CMYA5: variants seen among roughly 807,000 people sequenced by gnomAD.
CMYA5 encodes the protein cardiomyopathy associated 5, also known as cardiomyopathy-associated protein 5.
Under a neutral mutation model 318.9 loss-of-function variants are expected in CMYA5, and 246 were observed. The ratio of observed to expected loss-of-function variants is 0.77; its 90% CI spans 0.70 to 0.86. CMYA5 has a LOEUF of 0.86. Among genes scored for constraint, CMYA5 ranks in the 40% least tolerant of loss-of-function variants. The pLI is 0.00. For missense variants in CMYA5, 4,589 were observed against 4,678.2 expected (o/e 0.98, Z 0.56); for synonymous variants, 1,641 against 1,729.5 (o/e 0.95, Z 1.27).
At chr5:79,768,941 T>C (rs1019379833) in intron 9 of CMYA5, among the ~76,000 whole-genome samples, 1 of 152,182 alleles carries the variant, frequency 6.6e-6, no homozygotes, top group African/African-American at 2.4e-5. Context: ...CAATCAGACG[T>C]AGATTTGGCC....
intron 1 of CMYA5, among the ~76,000 whole-genome samples, chr5:79,723,229 A>C (rs1258766890): frequency 6.6e-6 from 1 of 152,038 alleles, no homozygotes; most frequent in Non-Finnish European, 1.5e-5. Flanking sequence ...TCATGAGGTC[A>C]GGAGTTTGAG....
At chr5:79,749,028 T>C (rs1490271297) in intron 5 of CMYA5, among the ~76,000 whole-genome samples, 1 of 152,194 alleles carries the variant, frequency 6.6e-6, no homozygotes, top group African/African-American at 2.4e-5. Context: ...CATCAGAATA[T>C]TGCAAATATA....
At position 79,733,799 on chromosome 5, in the gene CMYA5, CAG is replaced by C; in HGVS notation, c.5038_5039del (p.Glu1680ArgfsTer6). 1 of 1,613,646 alleles carries C rather than the reference CAG, an allele frequency of 6.2e-7. No homozygotes were observed. Among genetic ancestry groups the C allele is most frequent in the Non-Finnish European group, 8.5e-7 (1 of 1,179,776 alleles). Reference sequence around the variant, plus strand: ...AAAAAGGCCCAGCTGAGCTTAGGAGCAGAGAAGGAAAAGAAGAAAATAGAGAG... The same window carrying C: ...AAAAAGGCCCAGCTGAGCTTAGGAGCAGAAGGAAAAGAAGAAAATAGAGAG... ...LEKGPAELRS[R>X]EGKEENRELC... On this transcript the variant is annotated frameshift_variant, in exon 2 of 13. Coordinates refer to ENST00000446378, the MANE Select transcript of CMYA5 (RefSeq NM_153610.5). LOFTEE classifies it high-confidence loss of function.
rs1195385411 is a variant in CMYA5 at position 79,733,854 on chromosome 5, A to G, written c.5089A>G (p.Ile1697Val). The change falls in exon 2 of 13, where the codon ATT becomes GTT. Residue 1697 changes from isoleucine (I) to valine (V), a missense_variant. Transcript: ENST00000446378. The part of the protein sequence containing the change: ...ELCASSTMPA[I>V]SELSSLLREE... Reference sequence around the variant, plus strand: ...TTGTGCATCTTCTACGATGCCTGCAATTTCAGAGCTTTCATCATTGCTTAG... The same window carrying G: ...TTGTGCATCTTCTACGATGCCTGCAGTTTCAGAGCTTTCATCATTGCTTAG... 2 of 1,613,528 alleles carry G rather than the reference A, an allele frequency of 1.2e-6. No homozygotes were observed. Among genetic ancestry groups the G allele is most frequent in the Admixed American group, 3.3e-5 (2 of 59,946 alleles).
chr5:79,690,337 C>T (rs947227417), intron 1 of CMYA5, among the ~76,000 whole-genome samples: 2 of 152,100 alleles, frequency 1.3e-5, no homozygotes, highest in African/African-American at 2.4e-5. Flanking sequence ...GCATAACTGC[C>T]GAAATGTGCT....
At position 79,745,454 on chromosome 5, in the gene CMYA5, C is replaced by T. The variant is rs1828304509; in HGVS notation, c.10967C>T (p.Thr3656Ile). 2 of 1,610,544 alleles carry T rather than the reference C, an allele frequency of 1.2e-6. No individual in the cohort carries two copies. The highest frequency in any genetic ancestry group is 2.7e-5 in the African/African-American group (2 of 74,864). ...AEELDEAVFL[T>I]SFEEINERLL... ...GAGCTTGATGAGGCCGTCTTCCTGA[C>T]TGTAAGTGCCAAGTAAAATGGGCTC... Residue 3656 changes from threonine to isoleucine, a missense_variant and splice_region_variant, in exon 4 of 13, where the codon ACT becomes ATT. Thr to Ile is a moderately conservative substitution (Grantham distance 89). This residue lies in a region of CMYA5 where 2,431 missense variants were observed against 2,495.1 expected (regional missense o/e 0.97). Transcript: ENST00000446378.
chr5:79,693,959 C>T (rs933689902), intron 1 of CMYA5, among the ~76,000 whole-genome samples: 3 of 152,160 alleles, frequency 2.0e-5, no homozygotes, highest in Admixed American at 1.3e-4. Context: ...GATGAGGTGA[C>T]ATTTGAGCAG....
In CMYA5 at chr5:79,732,279, G is replaced by A; in HGVS notation, c.3514G>A (p.Val1172Ile). 1 of 1,613,874 alleles carries A rather than the reference G, an allele frequency of 6.2e-7. No homozygotes were observed. Among genetic ancestry groups the A allele is most frequent in the Non-Finnish European group, 8.5e-7 (1 of 1,179,864 alleles). ...EETKPASPHS[V>I]LPDSVPAIKK... ...AACCAAACCTGCATCTCCACATTCA[G>A]TTTTACCTGATTCAGTCCCTGCAAT... is the stretch of plus-strand genomic sequence containing the variant. Residue 1172 changes from valine to isoleucine, a missense_variant, in exon 2 of 13, where the codon GTT becomes ATT. Physicochemically the swap from Val to Ile is conservative, Grantham distance 29. Transcript: ENST00000446378.
intron 6 of CMYA5, among the ~76,000 whole-genome samples, chr5:79,755,416 A>G (rs1828508293): frequency 6.6e-6 from 1 of 151,966 alleles, no homozygotes; most frequent in African/African-American, 2.4e-5. Context: ...CCTCCCCAGT[A>G]GCTGGGATTA....
At position 79,731,040 on chromosome 5, in the gene CMYA5, A is replaced by G. The variant is rs1275695726; in HGVS notation, c.2275A>G (p.Thr759Ala). 10 of 1,613,926 alleles carry G rather than the reference A, an allele frequency of 6.2e-6. No homozygotes were observed. The highest frequency in any genetic ancestry group is 8.5e-6 in the Non-Finnish European group (10 of 1,179,872). The change falls in exon 2 of 13, where the codon ACC becomes GCC. Residue 759 changes from threonine to alanine, a missense_variant. This residue lies in a region of CMYA5 where 2,132 missense variants were observed against 2,131.3 expected (regional missense o/e 1.00). Coordinates refer to ENST00000446378, the MANE Select transcript of CMYA5 (RefSeq NM_153610.5). ...ASEPSLSPST[T>A]EKTSECQSPL... ...TGAGCCCTCTCTCTCACCATCCACA[A>G]CCGAAAAGACTTCTGAATGCCAGTC...
At chr5:79,774,050 T>G (rs992250744) in intron 9 of CMYA5, among the ~76,000 whole-genome samples, 1 of 152,188 alleles carries the variant, frequency 6.6e-6, no homozygotes, top group Admixed American at 6.5e-5. Context: ...CTGCAGTCCT[T>G]CCCCAGGTAT....
chr5:79,717,390 C>A (rs4704578), intron 1 of CMYA5, among the ~76,000 whole-genome samples: 67,668 of 151,914 alleles, frequency 0.45, 16,049 homozygotes, highest in African/African-American at 0.6. Context: ...GATATACATA[C>A]AAATAACTTG....
chr5:79,738,316 A>G lies in CMYA5; in HGVS notation c.9551A>G (p.Glu3184Gly). The G allele has an allele frequency of 6.2e-7, 1 of 1,613,504 alleles. No individual in the cohort carries two copies. Among genetic ancestry groups the G allele is most frequent in the African/African-American group, 1.3e-5 (1 of 74,982 alleles). Reference sequence around the variant, plus strand: ...AAAGTCATTGATCCAGAATTTCTGGAGGAGCCACCTGCACTTGCATTTTTA... The same window carrying G: ...AAAGTCATTGATCCAGAATTTCTGGGGGAGCCACCTGCACTTGCATTTTTA... ...TIKVIDPEFL[E>G]EPPALAFLYK... The change falls in exon 2 of 13, where the codon GAG (glutamate) becomes GGG (glycine). Residue 3184 changes from glutamate to glycine, a missense_variant. Transcript: ENST00000446378.
chr5:79,775,479 A>G (rs1043652619), intron 9 of CMYA5, among the ~76,000 whole-genome samples: 1 of 152,168 alleles, frequency 6.6e-6, no homozygotes, highest in Admixed American at 6.5e-5. Flanking sequence ...ACTGAACCTC[A>G]ATGGAACACA....
At position 79,729,695 on chromosome 5, in the gene CMYA5, A is replaced by G; in HGVS notation, c.930A>G (p.Gly310=). ...CCTGGAGAGGCGCACTCTCCAAAGGATCAGAGTCCCTAACCTTAATGTTCA... is the reference window on the plus strand; with the variant it reads ...CCTGGAGAGGCGCACTCTCCAAAGGGTCAGAGTCCCTAACCTTAATGTTCA... ...FPPWRGALSK[G]SESLTLMFSH... The change falls in exon 2 of 13, where the codon GGA becomes GGG. Residue 310 remains glycine (G), a synonymous_variant. Transcript: ENST00000446378. 1 of 1,613,974 alleles carries G rather than the reference A, an allele frequency of 6.2e-7. No individual in the cohort carries two copies. Among genetic ancestry groups the G allele is most frequent in the Non-Finnish European group, 8.5e-7 (1 of 1,179,856 alleles).
In CMYA5 at chr5:79,741,564, T is replaced by C. The variant is rs548348877; in HGVS notation, c.10638+2161T>C. Among the ~76,000 whole-genome samples, 22 of 152,350 alleles carry C rather than the reference T, an allele frequency of 1.4e-4. No homozygotes were observed. The South Asian group carries it at 4.6e-3, about 32-fold the overall frequency. On this transcript the variant is annotated intron_variant, in intron 2 of 12. Coordinates refer to ENST00000446378, the MANE Select transcript of CMYA5 (RefSeq NM_153610.5). ...CCAGGGTATAGTTTTGTTGAAACTT[T>C]ACTTGTTAAAGTTTGGGGTTAGGGA...
At chr5:79,794,435 C>T (rs187115670) in intron 12 of CMYA5, among the ~76,000 whole-genome samples, 244 of 152,298 alleles carry the variant, frequency 1.6e-3, no homozygotes, top group Middle Eastern at 6.8e-3. Flanking sequence ...TCTGAATATG[C>T]TCACAGTATG....
intron 10 of CMYA5, among the ~76,000 whole-genome samples, chr5:79,790,089 G>A (rs953305705): frequency 2.6e-5 from 4 of 152,286 alleles, no homozygotes; most frequent in African/African-American, 4.8e-5. Context: ...CGCAACAAGC[G>A]ATCGGCTTAC....
In CMYA5 at chr5:79,730,104, A is replaced by T; in HGVS notation, c.1339A>T (p.Thr447Ser). 1 of 1,613,770 alleles carries T rather than the reference A, an allele frequency of 6.2e-7. No individual in the cohort carries two copies. The highest frequency in any genetic ancestry group is 8.5e-7 in the Non-Finnish European group (1 of 1,179,876). The change falls in exon 2 of 13, where the codon ACC becomes TCC. Residue 447 changes from threonine to serine, a missense_variant. By Grantham distance (58) the Thr-to-Ser change is moderately conservative. This residue lies in a region of CMYA5 where 2,132 missense variants were observed against 2,131.3 expected (regional missense o/e 1.00). Coordinates refer to ENST00000446378, the MANE Select transcript of CMYA5 (RefSeq NM_153610.5). ...AGCGTCACCAGGTCTGGCAGCATCT[A>T]CCCAGGATGGTTTGGACCCAGACCA... ...EAASPGLAAS[T>S]QDGLDPDQEQ...
Sources: allele counts gnomAD v4.1 joint callset (sites outside exome capture counted in the v4.1 genomes callset), GRCh38; gene constraint gnomAD v4.1.1; regional missense constraint gnomAD v4.1.1; transcripts MANE v1.5; gene names NCBI Gene and HGNC (gene_info 2026-07-23, HGNC 2026-07-21).